The following SPOCK3 variants were observed in gnomAD, a reference collection of about 807,000 sequenced individuals.
The protein encoded by SPOCK3 is SPARC (osteonectin), cwcv and kazal like domains proteoglycan 3.
Under a neutral mutation model 56.6 loss-of-function variants are expected in SPOCK3, and 30 were observed. That is an observed-to-expected ratio of 0.53 (90% confidence interval 0.40 to 0.72). The LOEUF is 0.72. Ranked by LOEUF, SPOCK3 falls within the 30% of genes least tolerant of loss-of-function variation. The pLI is 0.00. For missense variants in SPOCK3, 527 were observed against 530.0 expected, an observed-to-expected ratio of 0.99 and a Z score of 0.06; for synonymous variants, 196 against 183.3, an observed-to-expected ratio of 1.07 and a Z score of -0.56.
At chr4:167,183,932 A>T (rs188049480) in intron 2 of SPOCK3, among the ~76,000 whole-genome samples, 1 of 152,326 alleles carries the variant, frequency 6.6e-6, no homozygotes, top group Admixed American at 6.5e-5. Context: ...TAAAACATTG[A>T]TTGAAAAACC....
At position 167,016,878 on chromosome 4, in the gene SPOCK3, T is replaced by G. The variant is rs370036403; in HGVS notation, c.236-16415A>C. Among the ~76,000 whole-genome samples, 4 of 152,104 alleles carry G rather than the reference T, an allele frequency of 2.6e-5. No homozygotes were observed. The South Asian group carries it at 8.3e-4, about 32-fold the overall frequency. The stretch of plus-strand genomic sequence containing the variant: ...ACTTTGAGATGCAAAGCTTTGGAAG[T>G]GTTTCCCAGATTTCTAACTACACCA... On this transcript the variant is annotated intron_variant, in intron 3 of 10. Transcript: ENST00000357545.
chr4:167,209,670 A>G (rs1355660175), intron 2 of SPOCK3, among the ~76,000 whole-genome samples: 1 of 152,170 alleles, frequency 6.6e-6, no homozygotes, highest in Non-Finnish European at 1.5e-5. Context: ...GCCATTACAT[A>G]GAAGATCAAT....
At chr4:166,917,783 TG>T (rs1196125501) in intron 4 of SPOCK3, among the ~76,000 whole-genome samples, 1 of 152,088 alleles carries the variant, frequency 6.6e-6, no homozygotes, top group Non-Finnish European at 1.5e-5. Flanking sequence ...TCCCTAGCCA[TG>T]TGAAACTGTG....
intron 9 of SPOCK3, among the ~76,000 whole-genome samples, chr4:166,740,321 C>T (rs1380017761): frequency 9.0e-6 from 1 of 110,878 alleles, no homozygotes; most frequent in South Asian, 3.5e-4. Context: ...GTAACTCTTC[C>T]CAAATGGGAA....
intron 4 of SPOCK3, among the ~76,000 whole-genome samples, chr4:166,981,203 C>T (rs1746529029): frequency 6.6e-6 from 1 of 150,666 alleles, no homozygotes; most frequent in South Asian, 2.1e-4. Flanking sequence ...CGTGAGTGTC[C>T]AGGTCTCGTT....
intron 2 of SPOCK3, among the ~76,000 whole-genome samples, chr4:167,073,066 A>G (rs1487112226): frequency 6.6e-6 from 1 of 151,724 alleles, no homozygotes; most frequent in African/African-American, 2.4e-5. Context: ...TTATGTTTCC[A>G]TATGTGCAAT....
At chr4:166,834,947 A>G (rs1424850509) in intron 6 of SPOCK3, among the ~76,000 whole-genome samples, 1 of 152,032 alleles carries the variant, frequency 6.6e-6, no homozygotes, top group Non-Finnish European at 1.5e-5. Context: ...CTATCCCAAC[A>G]CTTTCCTAGG....
At chr4:167,008,191 T>C (rs1036781278) in intron 3 of SPOCK3, among the ~76,000 whole-genome samples, 4 of 151,978 alleles carry the variant, frequency 2.6e-5, no homozygotes, top group Admixed American at 2.6e-4. Context: ...ATATACAGAG[T>C]TGAAGGTCTA....
At chr4:166,968,367 G>C (rs1038408005) in intron 4 of SPOCK3, among the ~76,000 whole-genome samples, 2 of 152,144 alleles carry the variant, frequency 1.3e-5, no homozygotes, top group Admixed American at 6.6e-5. Flanking sequence ...AGAGACCTTC[G>C]TGGCAGCCTC....
intron 3 of SPOCK3, among the ~76,000 whole-genome samples, chr4:167,060,972 G>C (rs920293693): frequency 1.3e-5 from 2 of 151,938 alleles, no homozygotes; most frequent in African/African-American, 2.4e-5. Flanking sequence ...ATAAACATTA[G>C]CTATTATCAT....
chr4:166,820,850 T>C (rs912609265), intron 6 of SPOCK3, among the ~76,000 whole-genome samples: 1 of 151,794 alleles, frequency 6.6e-6, no homozygotes. Context: ...AACTATAAAG[T>C]GCTTCAGAAA....
intron 2 of SPOCK3, among the ~76,000 whole-genome samples, chr4:167,090,131 T>C (rs1758576863): frequency 6.6e-6 from 1 of 152,168 alleles, no homozygotes; most frequent in Non-Finnish European, 1.5e-5. Flanking sequence ...TTCTTATGCA[T>C]AAATACTTAT....
intron 8 of SPOCK3, among the ~76,000 whole-genome samples, chr4:166,753,221 G>A (rs2198734): frequency 0.46 from 69,690 of 151,596 alleles, 16,530 homozygotes; most frequent in African/African-American, 0.51. Flanking sequence ...TTAAAATAAC[G>A]TTTGTCATCA....
intron 6 of SPOCK3, among the ~76,000 whole-genome samples, chr4:166,793,017 G>A (rs1741516101): frequency 1.3e-5 from 2 of 152,060 alleles, no homozygotes; most frequent in Admixed American, 6.6e-5. Context: ...ATATGTGTGT[G>A]TGACTGGCTT....
chr4:167,049,193 C>A (rs1482860424), intron 3 of SPOCK3, among the ~76,000 whole-genome samples: 1 of 151,752 alleles, frequency 6.6e-6, no homozygotes, highest in African/African-American at 2.4e-5. Context: ...CAACCTCTGC[C>A]TCCTGGGTTC....
chr4:167,165,314 T>G (rs1765662404), intron 2 of SPOCK3, among the ~76,000 whole-genome samples: 1 of 152,190 alleles, frequency 6.6e-6, no homozygotes, highest in African/African-American at 2.4e-5. Context: ...TCTACTCATC[T>G]GACAAAGATG....
intron 2 of SPOCK3, among the ~76,000 whole-genome samples, chr4:167,178,392 C>T (rs1200524445): frequency 1.3e-5 from 2 of 151,978 alleles, no homozygotes; most frequent in African/African-American, 4.8e-5. Context: ...TGAGCATTAC[C>T]CCAAGATGAA....
chr4:166,893,491 A>C (rs1287983340), intron 5 of SPOCK3, among the ~76,000 whole-genome samples: 1 of 152,120 alleles, frequency 6.6e-6, no homozygotes, highest in African/African-American at 2.4e-5. Flanking sequence ...TGTGTTAAGC[A>C]GTTTAGATGT....
Position 167,036,053 on chromosome 4 carries a change from T to C in SPOCK3, c.235+26439A>G, listed in dbSNP as rs1330650640. Among the ~76,000 whole-genome samples the C allele has an allele frequency of 3.3e-5, 5 of 152,234 alleles. No homozygotes were observed. The East Asian group carries it at 9.6e-4, about 29-fold the overall frequency. On this transcript the variant is annotated intron_variant, in intron 3 of 10. Transcript: ENST00000357545. ...CCAATGAGATAATCCATTTTTTAACTTCATATTTTAAAGTTTTATGAAAGA... is the reference window on the plus strand; with the variant it reads ...CCAATGAGATAATCCATTTTTTAACCTCATATTTTAAAGTTTTATGAAAGA...
Sources: allele counts gnomAD v4.1 joint callset (sites outside exome capture counted in the v4.1 genomes callset), GRCh38; gene constraint gnomAD v4.1.1; transcripts MANE v1.5; gene names NCBI Gene and HGNC (gene_info 2026-07-23, HGNC 2026-07-21).